Variants in NCKAP1 observed in about 807,000 individuals in gnomAD.
NCKAP1 encodes NCK associated protein 1, also known as nck-associated protein 1.
Under a neutral mutation model 151.2 loss-of-function variants are expected in NCKAP1, and 21 were observed. That is an observed-to-expected ratio of 0.14 (90% CI 0.10 to 0.20). The LOEUF is 0.20. NCKAP1 is among the 10% of genes least tolerant of loss of function. NCKAP1 has a pLI of 1.00. For missense variants in NCKAP1, 933 were observed against 1,352.1 expected (o/e 0.69, Z 4.86); for synonymous variants, 484 against 451.8 (o/e 1.07, Z -0.90).
chr2:182,995,649 T>C (rs1227528412), intron 7 of NCKAP1, 52 bp downstream of exon 7: 6 of 1,547,542 alleles, frequency 3.9e-6, no homozygotes, highest in Non-Finnish European at 8.8e-7. Context: ...TGAACTATTA[T>C]TTTTTTAAAA....
intron 1 of NCKAP1, among the ~76,000 whole-genome samples, chr2:183,036,162 T>C (rs1489827901): frequency 2.6e-5 from 4 of 152,198 alleles, no homozygotes; most frequent in Non-Finnish European, 5.9e-5. Context: ...GGCAATGAAC[T>C]GGAATTATTA....
chr2:182,967,191 A>C, intron 16 of NCKAP1, 25 bp downstream of exon 16: 1 of 1,583,210 alleles, frequency 6.3e-7, no homozygotes, highest in Non-Finnish European at 8.6e-7. Flanking sequence ...TTTCAAATCC[A>C]GATTTAGAGA....
At chr2:182,979,861 GA>G (rs1322777686) in intron 13 of NCKAP1, among the ~76,000 whole-genome samples, 1 of 152,158 alleles carries the variant, frequency 6.6e-6, no homozygotes, top group East Asian at 1.9e-4. Context: ...AACAAATAAT[GA>G]TAACTATATC....
intron 16 of NCKAP1, among the ~76,000 whole-genome samples, chr2:182,965,124 C>T (rs571996510): frequency 6.6e-6 from 1 of 152,072 alleles, no homozygotes; most frequent in South Asian, 2.1e-4. Context: ...GGTGTGGTGG[C>T]TCACACCTAT....
rs1430484958 is a variant in NCKAP1 at position 182,925,422 on chromosome 2, T to C, written c.*280A>G. 1 of 181,434 alleles carries C rather than the reference T, an allele frequency of 5.5e-6. No individual in the cohort carries two copies. The highest frequency in any genetic ancestry group is 2.3e-5 in the African/African-American group (1 of 42,630). 11.2% of individuals were successfully genotyped at this position (181,434 alleles called of 1,614,324 possible). ...AAACAAGCAAAGATTTTTTTCATTA[T>C]CAAATATCAAAAACATGTTGATAAT... On this transcript the variant is annotated 3_prime_UTR_variant, in exon 31 of 31. Transcript: ENST00000361354.
In NCKAP1 at chr2:182,943,324, C is replaced by T. The variant is rs540989869; in HGVS notation, c.2602-1161G>A. Among the ~76,000 whole-genome samples, 40 of 152,196 alleles carry T rather than the reference C, an allele frequency of 2.6e-4. 3 individuals carry two copies. In the South Asian group the frequency reaches 8.1e-3, roughly 31 times the overall value. ...ACTACACAGAAAATCCATAAAAATA[C>T]TTTTTTTGAAAACATTAGTATAAGT... On this transcript the variant is annotated intron_variant, in intron 23 of 30. Coordinates refer to ENST00000361354, the MANE Select transcript of NCKAP1 (RefSeq NM_013436.5).
At chr2:182,952,268 C>G (rs752361973) in intron 23 of NCKAP1, 137 bp downstream of exon 23, 20 of 552,338 alleles carry the variant, frequency 3.6e-5, no homozygotes, top group Non-Finnish European at 6.1e-5. Flanking sequence ...GCCTTGCTAG[C>G]TATTTAATTT....
intron 1 of NCKAP1, among the ~76,000 whole-genome samples, chr2:183,031,301 T>C (rs1478958266): frequency 1.3e-5 from 2 of 152,246 alleles, no homozygotes; most frequent in East Asian, 3.8e-4. Flanking sequence ...TATGTCACTG[T>C]TGCCTTTAAA....
chr2:182,945,197 T>C lies in NCKAP1; in HGVS notation c.2602-3034A>G, dbSNP rs1289270982. Among the ~76,000 whole-genome samples the C allele has an allele frequency of 2.0e-5, 3 of 151,896 alleles. No homozygotes were observed. In the East Asian group the frequency reaches 5.8e-4, roughly 29 times the overall value. ...TTGTAGTGAGCTGAGATTGTGCCAT[T>C]GCACTCCAGCCTGGGTGACAAGAGC... On this transcript the variant is annotated intron_variant, in intron 23 of 30. Transcript: ENST00000361354.
At chr2:182,993,186 C>G (rs773336384) in intron 8 of NCKAP1, among the ~76,000 whole-genome samples, 1 of 152,184 alleles carries the variant, frequency 6.6e-6, no homozygotes, top group Non-Finnish European at 1.5e-5. Flanking sequence ...ATTTAAATCA[C>G]CTCCAGATTA....
intron 15 of NCKAP1, among the ~76,000 whole-genome samples, chr2:182,971,258 G>C: frequency 6.7e-6 from 1 of 150,104 alleles, no homozygotes; most frequent in African/African-American, 2.4e-5. Context: ...GCCGGGCGTA[G>C]TGGCGGGCGC....
At chr2:183,004,915 A>G (rs1698441365) in intron 2 of NCKAP1, among the ~76,000 whole-genome samples, 1 of 151,724 alleles carries the variant, frequency 6.6e-6, no homozygotes, top group South Asian at 2.1e-4. Context: ...GAAAATATTC[A>G]CAAATGAAAT....
chr2:182,974,329 G>A (rs1439215234), intron 15 of NCKAP1, among the ~76,000 whole-genome samples: 1 of 149,896 alleles, frequency 6.7e-6, no homozygotes, highest in Admixed American at 6.7e-5. Flanking sequence ...TGTTCTAAAC[G>A]TGGTTAACAG....
intron 24 of NCKAP1, among the ~76,000 whole-genome samples, chr2:182,937,937 C>T (rs1223493693): frequency 4.6e-5 from 7 of 152,300 alleles, no homozygotes; most frequent in East Asian, 1.9e-4. Context: ...ATTCCAGGGA[C>T]GTTGTGAAAA....
intron 2 of NCKAP1, among the ~76,000 whole-genome samples, chr2:183,012,676 G>A (rs1444805128): frequency 6.8e-6 from 1 of 146,224 alleles, no homozygotes; most frequent in Non-Finnish European, 1.5e-5. Context: ...GTAGTGGCAT[G>A]ATCTCGGCTT....
chr2:182,943,573 A>AC (rs1324265059), intron 23 of NCKAP1, among the ~76,000 whole-genome samples: 3 of 152,120 alleles, frequency 2.0e-5, no homozygotes, highest in Non-Finnish European at 4.4e-5. Flanking sequence ...CACTTTAAAC[A>AC]TCGTATCACA....
chr2:183,032,007 G>A (rs932234826), intron 1 of NCKAP1, among the ~76,000 whole-genome samples: 1 of 152,160 alleles, frequency 6.6e-6, no homozygotes, highest in African/African-American at 2.4e-5. Flanking sequence ...AGGTATTTAA[G>A]AATTTACATT....
intron 6 of NCKAP1, among the ~76,000 whole-genome samples, chr2:182,998,847 AAAAAAAAAAAG>A (rs1698324038): frequency 6.8e-6 from 1 of 147,320 alleles, no homozygotes; most frequent in African/African-American, 2.5e-5. Flanking sequence ...AAAAAAAAAA[AAAAAAAAAAAG>A]GGGGGAAGGA....
In NCKAP1 at chr2:182,916,445, T is replaced by G. The variant is rs1016695671; in HGVS notation, c.*9257A>C. ...AACAGACAGAAAGATGAAATAAACC[T>G]AGACCGTGACCTCAAGGCAGTCCCA... On this transcript the variant is annotated 3_prime_UTR_variant, in exon 31 of 31. Coordinates refer to ENST00000361354, the MANE Select transcript of NCKAP1 (RefSeq NM_013436.5). 1 of 152,142 alleles carries G rather than the reference T, an allele frequency of 6.6e-6. No homozygotes were observed. The highest frequency in any genetic ancestry group is 6.5e-5 in the Admixed American group (1 of 15,268). 9.4% of individuals were successfully genotyped at this position (152,142 alleles called of 1,614,324 possible). A position where few individuals can be genotyped will look rare whatever the true frequency, so the allele number is the denominator to read the frequency against.
Sources: gnomAD v4.1 joint callset for allele counts (sites outside exome capture counted in the v4.1 genomes callset) on GRCh38, gnomAD v4.1.1 for gene constraint, MANE v1.5 for transcripts, NCBI Gene and HGNC (gene_info 2026-07-23, HGNC 2026-07-21) for gene names.